Variants in ZDHHC21 observed in about 807,000 individuals in gnomAD.
ZDHHC21 encodes the protein zDHHC palmitoyltransferase 21, also known as palmitoyltransferase ZDHHC21.
ZDHHC21 carries 15 observed loss-of-function variants against 34.6 expected under a neutral mutation model. The ratio of observed to expected loss-of-function variants is 0.43; its 90% CI spans 0.29 to 0.67. ZDHHC21 has a LOEUF of 0.67. Ranked by LOEUF, ZDHHC21 falls within the 30% of genes least tolerant of loss-of-function variation. The pLI is 0.14. For synonymous variants in ZDHHC21, 142 were observed against 101.8 expected, an observed-to-expected ratio of 1.40 and a Z score of -2.38; for missense variants, 344 against 327.7, an observed-to-expected ratio of 1.05 and a Z score of -0.38.
intron 5 of ZDHHC21, 81 bp downstream of exon 5, chr9:14,672,749 T>A (rs1250238235): frequency 2.2e-6 from 2 of 914,480 alleles, no homozygotes; most frequent in East Asian, 2.5e-5. Flanking sequence ...TTATAACCAA[T>A]ATATATTAAA....
the ZDHHC21 span, among the ~76,000 whole-genome samples, chr9:14,605,055 C>G: frequency 6.6e-6 from 1 of 152,150 alleles, no homozygotes; most frequent in Non-Finnish European, 1.5e-5. Context: ...TTTTCTATGG[C>G]TGAATAACAT....
rs976209719 is a variant in ZDHHC21, at chr9:14,612,396, A to G, written c.*6570T>C. 6 of 151,996 alleles carry G rather than the reference A, an allele frequency of 3.9e-5. No homozygotes were observed. The highest frequency in any genetic ancestry group is 8.8e-5 in the Non-Finnish European group (6 of 67,940). The allele number at this position is 151,996 out of a possible 1,614,324, so 9.4% of individuals were successfully genotyped here. On this transcript the variant is annotated 3_prime_UTR_variant, in exon 10 of 10. Transcript: ENST00000380916. ...TTTAGCTGCAGTTGTAAGGACACTG[A>G]GTGTTTTGAGAATTTTAAAGGGAAA...
rs186717317 is a variant in ZDHHC21 at position 14,680,351 on chromosome 9, T to C, written c.-175-189A>G. Among the ~76,000 whole-genome samples, 278 of 152,268 alleles carry C rather than the reference T, an allele frequency of 1.8e-3. 1 individual carries two copies. Among genetic ancestry groups the C allele is most frequent in the Non-Finnish European group, 2.7e-3 (186 of 67,996 alleles). On this transcript the variant is annotated intron_variant, in intron 2 of 9. Transcript: ENST00000380916. ...CTCAGAATTTGCATTTGATTACAAT[T>C]ATATCTGAGAGTCTTTTAAAACCAC...
At chr9:14,648,517 A>G (rs1367536833) in intron 7 of ZDHHC21, among the ~76,000 whole-genome samples, 1 of 152,104 alleles carries the variant, frequency 6.6e-6, no homozygotes, top group Non-Finnish European at 1.5e-5. Context: ...TTCCTTGAGA[A>G]TGTCAACAAC....
the ZDHHC21 span, among the ~76,000 whole-genome samples, chr9:14,599,197 T>C: frequency 1.3e-5 from 2 of 152,238 alleles, no homozygotes; most frequent in Admixed American, 6.5e-5. Flanking sequence ...CAGCTCCCAG[T>C]GAGATCAATG....
chr9:14,599,552 G>C, the ZDHHC21 span, among the ~76,000 whole-genome samples: 1 of 147,360 alleles, frequency 6.8e-6, no homozygotes, highest in South Asian at 2.2e-4. Flanking sequence ...AGCTGCAGGA[G>C]TTTTTTTTTT....
intron 7 of ZDHHC21, among the ~76,000 whole-genome samples, chr9:14,647,727 T>C (rs1432142617): frequency 2.0e-5 from 3 of 152,138 alleles, no homozygotes; most frequent in South Asian, 2.1e-4. Context: ...CGTGTTTCAC[T>C]GGCTGCAGTC....
chr9:14,654,845 G>C (rs1256782686), intron 7 of ZDHHC21, among the ~76,000 whole-genome samples: 1 of 151,930 alleles, frequency 6.6e-6, no homozygotes, highest in Non-Finnish European at 1.5e-5. Context: ...GGAAAGTTAA[G>C]AAATAAATTC....
At chr9:14,693,196 G>A (rs1839441841) in intron 1 of ZDHHC21, 33 bp downstream of exon 1, 1 of 339,734 alleles carries the variant, frequency 2.9e-6, no homozygotes, top group South Asian at 2.1e-5. Context: ...GGGGGTGGGG[G>A]CGGCCGCTTC....
At chr9:14,662,672 C>G (rs1245686885) in intron 5 of ZDHHC21, among the ~76,000 whole-genome samples, 1 of 152,104 alleles carries the variant, frequency 6.6e-6, no homozygotes, top group Non-Finnish European at 1.5e-5. Flanking sequence ...TATACTAAAA[C>G]AATTTTATTT....
the ZDHHC21 span, among the ~76,000 whole-genome samples, chr9:14,590,903 AGT>A: frequency 1.3e-5 from 2 of 152,178 alleles, no homozygotes; most frequent in African/African-American, 4.8e-5. Context: ...GCAAAAGAAA[AGT>A]AATAATAATG....
intron 8 of ZDHHC21, among the ~76,000 whole-genome samples, chr9:14,637,127 GA>G (rs1828448937): frequency 6.6e-6 from 1 of 152,010 alleles, no homozygotes; most frequent in African/African-American, 2.4e-5. Context: ...TTGGTGTTTT[GA>G]AAAGATAAAC....
At chr9:14,659,881 T>G (rs941929169) in intron 6 of ZDHHC21, among the ~76,000 whole-genome samples, 4 of 152,176 alleles carry the variant, frequency 2.6e-5, no homozygotes, top group African/African-American at 9.7e-5. Context: ...TATGTATTAA[T>G]ATACACTCAA....
chr9:14,658,008 T>A (rs1042434987), intron 7 of ZDHHC21, among the ~76,000 whole-genome samples: 1 of 152,208 alleles, frequency 6.6e-6, no homozygotes, highest in Non-Finnish European at 1.5e-5. Context: ...TCTCAGTGGA[T>A]AACTTTTTAA....
At chr9:14,632,724 C>T (rs1361612884) in intron 8 of ZDHHC21, among the ~76,000 whole-genome samples, 1 of 151,112 alleles carries the variant, frequency 6.6e-6, no homozygotes, top group Non-Finnish European at 1.5e-5. Context: ...GGGACTTATA[C>T]CTACAATACA....
intron 7 of ZDHHC21, among the ~76,000 whole-genome samples, chr9:14,640,532 A>G (rs566877345): frequency 6.6e-6 from 1 of 152,288 alleles, no homozygotes; most frequent in East Asian, 1.9e-4. Flanking sequence ...GATCATAAGT[A>G]CAGCTCTCTT....
intron 1 of ZDHHC21, among the ~76,000 whole-genome samples, chr9:14,691,653 A>G (rs1358497202): frequency 2.0e-5 from 3 of 152,190 alleles, no homozygotes; most frequent in African/African-American, 7.2e-5. Flanking sequence ...TCTTTAAATG[A>G]CGCTCTATTT....
the ZDHHC21 span, chr9:14,594,181 C>CG: frequency 2.0e-5 from 3 of 152,060 alleles, no homozygotes; most frequent in Admixed American, 6.6e-5. Context: ...GACCTGGTCA[C>CG]GGTGCAATGG....
chr9:14,620,927 G>C (rs1343572), intron 8 of ZDHHC21, among the ~76,000 whole-genome samples: 116,668 of 151,950 alleles, frequency 0.77, 45,452 homozygotes, highest in African/African-American at 0.91. Flanking sequence ...AGTGACAATT[G>C]TATTAATAAT....
Sources: gnomAD v4.1 joint callset for allele counts (sites outside exome capture counted in the v4.1 genomes callset) on GRCh38, gnomAD v4.1.1 for gene constraint, MANE v1.5 for transcripts, NCBI Gene and HGNC (gene_info 2026-07-23, HGNC 2026-07-21) for gene names.